BRIP1: variants seen among roughly 807,000 people sequenced by gnomAD.
BRIP1 encodes BRCA1 interacting DNA helicase 1.
BRIP1 carries 88 observed loss-of-function variants against 119.7 expected under a neutral mutation model. The ratio of observed to expected loss-of-function variants is 0.74; its 90% CI spans 0.62 to 0.88. The LOEUF is 0.88. BRIP1 is among the 40% of genes least tolerant of loss of function. The probability of loss-of-function intolerance (pLI) is 0.00; values close to 1 mark genes in which losing one functional copy is unlikely to be tolerated. For synonymous variants in BRIP1, 443 were observed against 496.5 expected, an observed-to-expected ratio of 0.89 and a Z score of 1.43; for missense variants, 1,259 against 1,455.4, an observed-to-expected ratio of 0.87 and a Z score of 2.20.
chr17:61,714,045 G>A (rs150007098), intron 17 of BRIP1, among the ~76,000 whole-genome samples: 70 of 152,188 alleles, frequency 4.6e-4, no homozygotes, highest in African/African-American at 1.5e-3. Context: ...GCACAGTGGC[G>A]TGTGCCTGGA....
chr17:61,747,545 G>C (rs1020728235), intron 14 of BRIP1, among the ~76,000 whole-genome samples: 1 of 151,788 alleles, frequency 6.6e-6, no homozygotes, highest in African/African-American at 2.4e-5. Context: ...CAAATTCCTA[G>C]TAATATACAA....
intron 17 of BRIP1, among the ~76,000 whole-genome samples, chr17:61,714,729 ATGT>A (rs2061831929): frequency 6.6e-6 from 1 of 152,046 alleles, no homozygotes; most frequent in African/African-American, 2.4e-5. Context: ...TCATGATTAA[ATGT>A]TTAGTTGGTG....
At chr17:61,718,251 A>G (rs934395838) in intron 16 of BRIP1, among the ~76,000 whole-genome samples, 1 of 152,206 alleles carries the variant, frequency 6.6e-6, no homozygotes, top group African/African-American at 2.4e-5. Flanking sequence ...TGTGAATGCA[A>G]TTAGGGTACT....
intron 10 of BRIP1, among the ~76,000 whole-genome samples, chr17:61,792,037 T>G (rs2378905): frequency 6.6e-6 from 1 of 152,118 alleles, no homozygotes; most frequent in Non-Finnish European, 1.5e-5. Flanking sequence ...ACAGGAACTT[T>G]TGTTCATTGC....
rs936240148 is a variant in BRIP1, at chr17:61,815,842, A to G, written c.628-7085T>C. On this transcript the variant is annotated intron_variant, in intron 6 of 19. Coordinates refer to ENST00000259008, the MANE Select transcript of BRIP1 (RefSeq NM_032043.3). The surrounding 1 kb of genome is among the most constrained non-coding windows in gnomAD (Gnocchi z 4.1). ...AGGCCAATGAACATAGAATTATACT[A>G]CAAACTTTGAGACATAAAAAAGGGT... is the stretch of plus-strand genomic sequence containing the variant. Among the ~76,000 whole-genome samples the G allele has an allele frequency of 6.6e-6, 1 of 152,226 alleles. No homozygotes were observed. Among genetic ancestry groups the G allele is most frequent in the Non-Finnish European group, 1.5e-5 (1 of 68,038 alleles).
chr17:61,809,672 A>C lies in BRIP1; in HGVS notation c.628-915T>G, dbSNP rs918578267. 6.6e-6 allele frequency among the ~76,000 whole-genome samples: 1 copy of C among 152,210 alleles called. No homozygotes were observed. Among genetic ancestry groups the C allele is most frequent in the Non-Finnish European group, 1.5e-5 (1 of 68,024 alleles). On this transcript the variant is annotated intron_variant, in intron 6 of 19. Transcript: ENST00000259008. This position sits in a 1 kb window ranked among gnomAD's most constrained non-coding sequence, Gnocchi z 5.2. ...ATTATTACACCAAATGACACAGAAC[A>C]AAGTCTCATTTTAGAGAAATAGTGT...
rs543075090 is a variant in BRIP1, at chr17:61,801,647, C to CAA, written c.919-175_919-174dup. Among the ~76,000 whole-genome samples the CAA allele has an allele frequency of 3.9e-5, 6 of 152,290 alleles. No homozygotes were observed. In the East Asian group the frequency reaches 1.2e-3, roughly 29 times the overall value. ...CTTTTTTGAGACAATACCATAGCTACAATCACAACGAAGTCTGGTTGACTC... is the reference window on the plus strand; with the variant it reads ...CTTTTTTGAGACAATACCATAGCTACAAAATCACAACGAAGTCTGGTTGACTC... On this transcript the variant is annotated intron_variant, in intron 7 of 19. Transcript: ENST00000259008.
rs1207448195 is a variant in BRIP1, at chr17:61,776,295, G to A, written c.2097+106C>T. The A allele has an allele frequency of 4.9e-6, 6 of 1,231,304 alleles. No individual in the cohort carries two copies. Among genetic ancestry groups the A allele is most frequent in the Non-Finnish European group, 7.1e-6 (6 of 843,520 alleles). 76.3% of individuals were successfully genotyped at this position (1,231,304 alleles called of 1,614,324 possible). On this transcript the variant is annotated intron_variant, in intron 14 of 19. Coordinates refer to ENST00000259008, the MANE Select transcript of BRIP1 (RefSeq NM_032043.3). The surrounding 1 kb of genome is among the most constrained non-coding windows in gnomAD (Gnocchi z 5.0). The stretch of plus-strand genomic sequence containing the variant: ...AGAAAACTATAGTTATTACCTTGTT[G>A]CCTCTACCCTAGGAAGCTTACTGTG...
chr17:61,817,916 G>A (rs2078261321), intron 6 of BRIP1, among the ~76,000 whole-genome samples: 1 of 152,144 alleles, frequency 6.6e-6, no homozygotes, highest in South Asian at 2.1e-4. Context: ...CACAATTTTT[G>A]TAGACTAGTA....
Position 61,744,886 on chromosome 17 carries a change from T to A in BRIP1, c.2098-295A>T, listed in dbSNP as rs1397309890. On this transcript the variant is annotated intron_variant, in intron 14 of 19. Coordinates refer to ENST00000259008, the MANE Select transcript of BRIP1 (RefSeq NM_032043.3). This position sits in a 1 kb window ranked among gnomAD's most constrained non-coding sequence, Gnocchi z 5.0. Reference sequence around the variant, plus strand: ...TACTACTACTATTACTACTACTACTTCTACTATTATCTTGGCAATTTCTAC... The same window carrying A: ...TACTACTACTATTACTACTACTACTACTACTATTATCTTGGCAATTTCTAC... Among the ~76,000 whole-genome samples, 2 of 151,442 alleles carry A rather than the reference T, an allele frequency of 1.3e-5. No homozygotes were observed. The highest frequency in any genetic ancestry group is 4.8e-5 in the African/African-American group (2 of 41,254).
chr17:61,757,042 G>A lies in BRIP1; in HGVS notation c.2098-12451C>T, dbSNP rs1878817876. ...GATGATTCTTCATTATTCATTTCATGAGGTACTCATATGTTTTAAATGTTT... is the reference window on the plus strand; with the variant it reads ...GATGATTCTTCATTATTCATTTCATAAGGTACTCATATGTTTTAAATGTTT... On this transcript the variant is annotated intron_variant, in intron 14 of 19. Transcript: ENST00000259008. The surrounding 1 kb of genome is among the most constrained non-coding windows in gnomAD (Gnocchi z 4.3). Among the ~76,000 whole-genome samples the A allele has an allele frequency of 6.6e-6, 1 of 152,048 alleles. No individual in the cohort carries two copies. Among genetic ancestry groups the A allele is most frequent in the South Asian group, 2.1e-4 (1 of 4,828 alleles).
rs950926922 is a variant in BRIP1 at position 61,861,177 on chromosome 17, T to C, written c.93+270A>G. On this transcript the variant is annotated intron_variant, in intron 2 of 19. Coordinates refer to ENST00000259008, the MANE Select transcript of BRIP1 (RefSeq NM_032043.3). This position sits in a 1 kb window ranked among gnomAD's most constrained non-coding sequence, Gnocchi z 4.5. ...GTAAAAGATAGTAAATACTCTGTTT[T>C]TACTTAAAAGTATAGCAGTTTTTCA... Among the ~76,000 whole-genome samples, 6 of 152,350 alleles carry C rather than the reference T, an allele frequency of 3.9e-5. No homozygotes were observed. The highest frequency in any genetic ancestry group is 1.4e-4 in the African/African-American group (6 of 41,580).
At chr17:61,747,861 A>T (rs1251179888) in intron 14 of BRIP1, among the ~76,000 whole-genome samples, 2 of 151,744 alleles carry the variant, frequency 1.3e-5, no homozygotes, top group Non-Finnish European at 2.9e-5. Flanking sequence ...TCAGCCTCCC[A>T]AGTAGCTAGG....
intron 6 of BRIP1, among the ~76,000 whole-genome samples, chr17:61,829,089 T>C (rs1275065935): frequency 6.6e-6 from 1 of 151,996 alleles, no homozygotes; most frequent in African/African-American, 2.4e-5. Flanking sequence ...AGAAAACAAA[T>C]AGTAACCACA....
Position 61,740,879 on chromosome 17 carries a change from C to T in BRIP1, c.2379+2134G>A, listed in dbSNP as rs916267526. Among the ~76,000 whole-genome samples the T allele has an allele frequency of 6.6e-6, 1 of 152,078 alleles. No homozygotes were observed. Among genetic ancestry groups the T allele is most frequent in the Non-Finnish European group, 1.5e-5 (1 of 68,018 alleles). Reference sequence around the variant, plus strand: ...GACTGATCAGGGTGGTGGTTGCTAACGTTGGAGTGGCTGTGGCAATTTCTT... The same window carrying T: ...GACTGATCAGGGTGGTGGTTGCTAATGTTGGAGTGGCTGTGGCAATTTCTT... On this transcript the variant is annotated intron_variant, in intron 16 of 19. Coordinates refer to ENST00000259008, the MANE Select transcript of BRIP1 (RefSeq NM_032043.3). This position sits in a 1 kb window ranked among gnomAD's most constrained non-coding sequence, Gnocchi z 5.4.
intron 17 of BRIP1, among the ~76,000 whole-genome samples, chr17:61,697,051 C>A (rs2061536189): frequency 6.8e-6 from 1 of 146,648 alleles, no homozygotes; most frequent in East Asian, 2.1e-4. Context: ...ACTTGTTATA[C>A]ATCTATTCAG....
intron 16 of BRIP1, among the ~76,000 whole-genome samples, chr17:61,741,632 T>A (rs1412969277): frequency 6.6e-6 from 1 of 152,200 alleles, no homozygotes; most frequent in Non-Finnish European, 1.5e-5. Context: ...ATAGAGTTCT[T>A]GAGTGACCAC....
At chr17:61,858,119 G>A (rs1443700754) in intron 3 of BRIP1, among the ~76,000 whole-genome samples, 1 of 152,030 alleles carries the variant, frequency 6.6e-6, no homozygotes, top group African/African-American at 2.4e-5. Context: ...ATACCAAATT[G>A]TAATAAGTTT....
At chr17:61,820,960 AAAG>A (rs966625535) in intron 6 of BRIP1, among the ~76,000 whole-genome samples, 69 of 149,288 alleles carry the variant, frequency 4.6e-4, no homozygotes, top group Admixed American at 8.0e-4. Context: ...AAAAAAAAAA[AAAG>A]AAAGAAAGAA....
Sources: gnomAD v4.1 joint callset for allele counts (sites outside exome capture counted in the v4.1 genomes callset) on GRCh38, gnomAD v4.1.1 for gene constraint, Gnocchi (gnomAD v3.1) non-coding constraint, MANE v1.5 for transcripts, NCBI Gene and HGNC (gene_info 2026-07-23, HGNC 2026-07-21) for gene names.